UBE2E2: variants seen among roughly 807,000 people sequenced by gnomAD.
UBE2E2 encodes ubiquitin-conjugating enzyme E2 E2.
A neutral mutation model predicts 24.7 loss-of-function variants in UBE2E2; 6 were observed. That is an observed-to-expected ratio of 0.24 (90% CI 0.13 to 0.48). The LOEUF is 0.48. UBE2E2 is among the 20% of genes least tolerant of loss of function. UBE2E2 has a pLI of 0.99. For missense variants in UBE2E2, 169 were observed against 245.0 expected (o/e 0.69, Z 2.07); for synonymous variants, 104 against 83.6 (o/e 1.24, Z -1.33).
intron 3 of UBE2E2, among the ~76,000 whole-genome samples, chr3:23,286,196 ATTTT>A (rs1046720563): frequency 6.6e-6 from 1 of 151,972 alleles, no homozygotes; most frequent in African/African-American, 2.4e-5. Context: ...CCATTTGCCC[ATTTT>A]TGCTTTAGTT....
At chr3:23,544,384 A>T (rs970035648) in intron 5 of UBE2E2, among the ~76,000 whole-genome samples, 4 of 152,190 alleles carry the variant, frequency 2.6e-5, no homozygotes, top group Non-Finnish European at 5.9e-5. Flanking sequence ...CAAAAAGTGG[A>T]CAAATGACAT....
intron 3 of UBE2E2, among the ~76,000 whole-genome samples, chr3:23,245,015 A>G (rs1019324724): frequency 1.1e-4 from 17 of 152,156 alleles, no homozygotes; most frequent in African/African-American, 4.1e-4. Context: ...TCCTGATTTC[A>G]GATACTCCTT....
At chr3:23,278,411 A>G (rs888203486) in intron 3 of UBE2E2, among the ~76,000 whole-genome samples, 1 of 152,130 alleles carries the variant, frequency 6.6e-6, no homozygotes, top group African/African-American at 2.4e-5. Flanking sequence ...TTGTAAGACA[A>G]TATAATTTCT....
chr3:23,414,691 G>C (rs374500246), intron 3 of UBE2E2, among the ~76,000 whole-genome samples: 62 of 152,244 alleles, frequency 4.1e-4, no homozygotes, highest in Middle Eastern at 6.8e-3. Flanking sequence ...CATCCCCAGC[G>C]CAATAATATT....
Position 23,589,717 on chromosome 3 carries a change from C to T in UBE2E2, c.509-17C>T, listed in dbSNP as rs1696718158. On this transcript the variant is annotated splice_polypyrimidine_tract_variant and intron_variant, in intron 5 of 5. Coordinates refer to ENST00000396703, the MANE Select transcript of UBE2E2 (RefSeq NM_152653.4). This position sits in a 1 kb window ranked among gnomAD's most constrained non-coding sequence, Gnocchi z 4.1. ...AGTGCTGGTATTTACTGACTCCCAA[C>T]TCTGCTTTCCTTGCAGCTGACCCTC... 2.5e-6 allele frequency: 4 copies of T among 1,613,348 alleles called. No homozygotes were observed. In the South Asian group the frequency reaches 3.3e-5, roughly 13 times the overall value.
chr3:23,508,501 GT>G, intron 4 of UBE2E2, among the ~76,000 whole-genome samples: 1 of 152,256 alleles, frequency 6.6e-6, no homozygotes, highest in Middle Eastern at 3.4e-3. Context: ...AGGACCTTTA[GT>G]TTATTATTGT....
chr3:23,204,844 T>C (rs1696102796), intron 1 of UBE2E2: 4 of 792,040 alleles, frequency 5.1e-6, no homozygotes, highest in African/African-American at 1.9e-5. Flanking sequence ...GCAAGACATA[T>C]ATGACAGAAT....
intron 5 of UBE2E2, among the ~76,000 whole-genome samples, chr3:23,585,904 G>GT (rs201986762): frequency 0.36 from 51,827 of 145,176 alleles, 9,471 homozygotes; most frequent in East Asian, 0.51. Flanking sequence ...TTGATAACAT[G>GT]TTTTTTTTTT....
intron 5 of UBE2E2, chr3:23,534,293 T>C (rs1695201837): frequency 2.1e-6 from 2 of 956,068 alleles, no homozygotes; most frequent in Non-Finnish European, 2.5e-6. Flanking sequence ...CAAAGCCTTC[T>C]CTCAGCAATC....
At chr3:23,438,406 A>C (rs1453637262) in intron 3 of UBE2E2, among the ~76,000 whole-genome samples, 1 of 152,204 alleles carries the variant, frequency 6.6e-6, no homozygotes, top group African/African-American at 2.4e-5. Flanking sequence ...ATTGGCAGAA[A>C]TAGTACTCAA....
intron 3 of UBE2E2, among the ~76,000 whole-genome samples, chr3:23,288,178 G>A (rs996979374): frequency 1.6e-4 from 24 of 151,846 alleles, no homozygotes; most frequent in African/African-American, 5.3e-4. Flanking sequence ...TTTCTTCATT[G>A]ACCCACTGAG....
intron 3 of UBE2E2, among the ~76,000 whole-genome samples, chr3:23,361,064 A>G (rs1307560129): frequency 1.3e-5 from 2 of 152,216 alleles, no homozygotes; most frequent in African/African-American, 4.8e-5. Flanking sequence ...ACAGCCAACA[A>G]AAATATGAAG....
At chr3:23,288,195 GT>G (rs1201835950) in intron 3 of UBE2E2, among the ~76,000 whole-genome samples, 1 of 152,032 alleles carries the variant, frequency 6.6e-6, no homozygotes, top group African/African-American at 2.4e-5. Flanking sequence ...TGAGCATATG[GT>G]TTAATTTGCA....
intron 3 of UBE2E2, among the ~76,000 whole-genome samples, chr3:23,401,403 G>C (rs945859520): frequency 1.3e-5 from 2 of 152,148 alleles, no homozygotes; most frequent in Non-Finnish European, 2.9e-5. Context: ...TCTCACATTT[G>C]CTTAGGTTAG....
chr3:23,222,867 C>G (rs1696694435), intron 3 of UBE2E2, among the ~76,000 whole-genome samples: 1 of 152,166 alleles, frequency 6.6e-6, no homozygotes, highest in Non-Finnish European at 1.5e-5. Context: ...TCTCCGCATC[C>G]TTGCCAGCAT....
chr3:23,346,229 G>A (rs557091502), intron 3 of UBE2E2, among the ~76,000 whole-genome samples: 30 of 152,270 alleles, frequency 2.0e-4, no homozygotes, highest in Non-Finnish European at 3.5e-4. Flanking sequence ...TACAACAATA[G>A]TGTTCTTTAA....
chr3:23,399,198 T>C (rs922433046), intron 3 of UBE2E2, among the ~76,000 whole-genome samples: 2 of 152,234 alleles, frequency 1.3e-5, no homozygotes, highest in Non-Finnish European at 2.9e-5. Context: ...CCTTTCCTGT[T>C]CAAGTTAAGA....
chr3:23,205,617 A>G (rs983535102), intron 1 of UBE2E2, among the ~76,000 whole-genome samples: 1 of 152,202 alleles, frequency 6.6e-6, no homozygotes, highest in Non-Finnish European at 1.5e-5. Flanking sequence ...CTTTATTTCT[A>G]AAAGTTCCTA....
chr3:23,570,162 C>T (rs1166493969), intron 5 of UBE2E2, among the ~76,000 whole-genome samples: 1 of 152,106 alleles, frequency 6.6e-6, no homozygotes, highest in Non-Finnish European at 1.5e-5. Context: ...CTTTTTCCCC[C>T]TAATCAAGCC....
Sources: gnomAD v4.1 joint callset for allele counts (sites outside exome capture counted in the v4.1 genomes callset) on GRCh38, gnomAD v4.1.1 for gene constraint, Gnocchi (gnomAD v3.1) non-coding constraint, MANE v1.5 for transcripts, NCBI Gene and HGNC (gene_info 2026-07-23, HGNC 2026-07-21) for gene names.